The following SLC9B2 variants were observed in gnomAD, a reference collection of about 807,000 sequenced individuals.
The protein encoded by SLC9B2 is sodium/hydrogen exchanger 9B2.
A neutral mutation model predicts 52.2 loss-of-function variants in SLC9B2; 39 were observed. The ratio of observed to expected loss-of-function variants is 0.75; its 90% CI spans 0.58 to 0.98. The LOEUF (loss-of-function observed/expected upper bound fraction) is 0.98, where lower values mean the gene tolerates loss of function less well. Among genes scored for constraint, SLC9B2 ranks in the 50% least tolerant of loss-of-function variants. SLC9B2 has a pLI of 0.00. For missense variants in SLC9B2, 626 were observed against 637.5 expected, an observed-to-expected ratio of 0.98 and a Z score of 0.19; for synonymous variants, 214 against 227.0, an observed-to-expected ratio of 0.94 and a Z score of 0.51.
chr4:103,019,657 T>G (rs1009468029), downstream of SLC9B2: 80 of 985,374 alleles, frequency 8.1e-5, no homozygotes, highest in Non-Finnish European at 1.3e-5. Context: ...CCAGTGACCG[T>G]TGCGTAAGCC....
chr4:103,050,452 T>C (rs1744575999), intron 4 of SLC9B2, 70 bp from the exon 5 acceptor site: 1 of 1,386,692 alleles, frequency 7.2e-7, no homozygotes, highest in Non-Finnish European at 9.5e-7. Context: ...ACTTTAATTT[T>C]ATACAGACTA....
chr4:103,034,492 T>C (rs1267554257), intron 9 of SLC9B2, among the ~76,000 whole-genome samples: 1 of 152,066 alleles, frequency 6.6e-6, no homozygotes, highest in African/African-American at 2.4e-5. Flanking sequence ...CAGCAGAAGA[T>C]ACTATCAATG....
rs113912156 is a variant in SLC9B2, at chr4:103,029,558, C to T, written c.1256-675G>A. Reference sequence around the variant, plus strand: ...ACCATACTGATGTGTACTGGTCGTACTGGTCCCAATTATCCCTGGTTAACA... The same window carrying T: ...ACCATACTGATGTGTACTGGTCGTATTGGTCCCAATTATCCCTGGTTAACA... On this transcript the variant is annotated intron_variant, in intron 10 of 11. Coordinates refer to ENST00000394785, the MANE Select transcript of SLC9B2 (RefSeq NM_178833.7). Among the ~76,000 whole-genome samples, 1,408 of 152,204 alleles carry T rather than the reference C, an allele frequency of 9.3e-3. 16 individuals carry two copies. The highest frequency in any genetic ancestry group is 0.031 in the African/African-American group (1,271 of 41,528).
At chr4:103,033,548 C>G (rs964214223) in intron 9 of SLC9B2, among the ~76,000 whole-genome samples, 15 of 152,100 alleles carry the variant, frequency 9.9e-5, no homozygotes, top group African/African-American at 3.6e-4. Flanking sequence ...TACAGAGATA[C>G]TATACCTAGA....
At chr4:103,075,095 T>C (rs1301279480) in intron 1 of SLC9B2, among the ~76,000 whole-genome samples, 1 of 152,166 alleles carries the variant, frequency 6.6e-6, no homozygotes, top group Non-Finnish European at 1.5e-5. Context: ...CAATGAAATA[T>C]GGTTAAGTTT....
At chr4:103,072,505 T>C (rs542305785) in intron 1 of SLC9B2, among the ~76,000 whole-genome samples, 1 of 152,204 alleles carries the variant, frequency 6.6e-6, no homozygotes, top group Non-Finnish European at 1.5e-5. Context: ...TTGGAAACCA[T>C]TTCTGTAAAT....
chr4:103,041,197 A>C (rs578042738), intron 9 of SLC9B2, among the ~76,000 whole-genome samples: 1 of 152,340 alleles, frequency 6.6e-6, no homozygotes, highest in South Asian at 2.1e-4. Flanking sequence ...AGAGACTGGA[A>C]ATAACCTTAT....
At chr4:103,059,429 C>A (rs1267815642) in intron 3 of SLC9B2, among the ~76,000 whole-genome samples, 2 of 152,178 alleles carry the variant, frequency 1.3e-5, no homozygotes, top group African/African-American at 2.4e-5. Context: ...AAAGCGTTGG[C>A]AGCTTCTTTA....
rs191856258 is a variant in SLC9B2, at chr4:103,022,779, T to G, written c.*3591A>C. On this transcript the variant is annotated 3_prime_UTR_variant, in exon 12 of 12. Transcript: ENST00000394785. ...TATGTTGAAGCCTTAACTTCCAATG[T>G]GATGTATTTAGATATGAGGATTTGG... 6.6e-6 allele frequency among the ~76,000 whole-genome samples: 1 copy of G among 152,136 alleles called. No individual in the cohort carries two copies. Among genetic ancestry groups the G allele is most frequent in the Non-Finnish European group, 1.5e-5 (1 of 68,026 alleles).
intron 9 of SLC9B2, among the ~76,000 whole-genome samples, chr4:103,039,303 C>T (rs567367103): frequency 1.3e-5 from 2 of 152,174 alleles, no homozygotes; most frequent in African/African-American, 4.8e-5. Context: ...AATAACTTTC[C>T]TTAGTGCTTC....
intron 5 of SLC9B2, 34 bp from the exon 6 acceptor site, chr4:103,049,054 C>A (rs1284478583): frequency 6.2e-7 from 1 of 1,606,720 alleles, no homozygotes; most frequent in Admixed American, 1.7e-5. Context: ...TAATATAATC[C>A]TCTGAAGATG....
chr4:103,032,443 T>C (rs2110579825), intron 9 of SLC9B2, among the ~76,000 whole-genome samples: 1 of 152,272 alleles, frequency 6.6e-6, no homozygotes, highest in African/African-American at 2.4e-5. Flanking sequence ...CCAGCTCCTC[T>C]TTCACTGTTG....
In SLC9B2 at chr4:103,048,968, A is replaced by T; in HGVS notation, c.638T>A (p.Ile213Asn). Reference sequence around the variant, plus strand: ...AAGAGCAGATGTGCACGCCTCCACAATACAGGGACCCATGGACAGTCTTAC... The same window carrying T: ...AAGAGCAGATGTGCACGCCTCCACATTACAGGGACCCATGGACAGTCTTAC... ...VCVRLSMGPC[I>N]VEACTSALLA... Residue 213 changes from isoleucine (I) to asparagine (N), a missense_variant, in exon 6 of 12, where the codon ATT becomes AAT. Transcript: ENST00000394785. 6.2e-7 allele frequency: 1 copy of T among 1,613,992 alleles called. No individual in the cohort carries two copies. Among genetic ancestry groups the T allele is most frequent in the South Asian group, 1.1e-5 (1 of 91,070 alleles).
At chr4:103,058,926 G>T (rs561882974) in intron 3 of SLC9B2, among the ~76,000 whole-genome samples, 4 of 152,002 alleles carry the variant, frequency 2.6e-5, no homozygotes, top group African/African-American at 9.7e-5. Context: ...AATTATCTGG[G>T]TATGGTGGTG....
chr4:103,041,020 T>A (rs1013390264), intron 9 of SLC9B2, among the ~76,000 whole-genome samples: 1 of 152,212 alleles, frequency 6.6e-6, no homozygotes, highest in Non-Finnish European at 1.5e-5. Context: ...AGGTACTTCA[T>A]ATTTTACTGG....
intron 4 of SLC9B2, among the ~76,000 whole-genome samples, chr4:103,053,143 A>G (rs917279815): frequency 2.0e-5 from 3 of 152,138 alleles, no homozygotes; most frequent in Non-Finnish European, 4.4e-5. Context: ...AATTTTTTCA[A>G]TAATGATTTT....
chr4:103,055,953 G>A (rs1017932871), intron 4 of SLC9B2, among the ~76,000 whole-genome samples: 8 of 151,690 alleles, frequency 5.3e-5, no homozygotes, highest in Admixed American at 1.3e-4. Context: ...ACAGGTGCCC[G>A]CCACCACGCC....
intron 9 of SLC9B2, among the ~76,000 whole-genome samples, chr4:103,038,026 G>C (rs1222823858): frequency 6.6e-6 from 1 of 151,732 alleles, no homozygotes; most frequent in South Asian, 2.1e-4. Context: ...CACACCCGGG[G>C]AAGTTTTGTA....
chr4:103,069,430 T>C (rs1177636174), intron 1 of SLC9B2, among the ~76,000 whole-genome samples: 5 of 152,246 alleles, frequency 3.3e-5, no homozygotes, highest in Non-Finnish European at 7.3e-5. Context: ...CTATACCAAA[T>C]TGCTTAACCT....
Sources: allele counts gnomAD v4.1 joint callset (sites outside exome capture counted in the v4.1 genomes callset), GRCh38; gene constraint gnomAD v4.1.1; transcripts MANE v1.5; gene names NCBI Gene and HGNC (gene_info 2026-07-23, HGNC 2026-07-21).